Variants in SPRED2 observed in about 807,000 individuals in gnomAD.
SPRED2 encodes sprouty-related, EVH1 domain-containing protein 2.
A neutral mutation model predicts 43.0 loss-of-function variants in SPRED2; 47 were observed. The ratio of observed to expected loss-of-function variants is 1.09; its 90% confidence interval spans 0.87 to 1.40. The LOEUF (loss-of-function observed/expected upper bound fraction) is 1.40, where lower values mean the gene tolerates loss of function less well. SPRED2 is among the 40% of genes most tolerant of loss of function. The pLI is 0.00. For missense variants in SPRED2, 561 were observed against 586.4 expected (o/e 0.96, Z 0.45); for synonymous variants, 225 against 225.7 (o/e 1.00, Z 0.03).
chr2:65,402,122 A>G (rs1021220531), intron 1 of SPRED2, among the ~76,000 whole-genome samples: 1 of 151,520 alleles, frequency 6.6e-6, no homozygotes, highest in Non-Finnish European at 1.5e-5. Context: ...TACTAAAAAT[A>G]CAAAAAATTA....
At chr2:65,386,860 G>A (rs1368616982) in intron 1 of SPRED2, among the ~76,000 whole-genome samples, 1 of 151,908 alleles carries the variant, frequency 6.6e-6, no homozygotes, top group Non-Finnish European at 1.5e-5. Flanking sequence ...AAAACTTAAA[G>A]TATAATTTAA....
intron 1 of SPRED2, among the ~76,000 whole-genome samples, chr2:65,369,692 GAAACAGCAGAAGC>G (rs1675075035): frequency 1.4e-4 from 1 of 7,354 alleles, no homozygotes; most frequent in Non-Finnish European, 2.9e-4. Context: ...TAGAGGTAGG[GAAACAGCAGAAGC>G]TGCTCTGTGC....
intron 1 of SPRED2, among the ~76,000 whole-genome samples, chr2:65,364,590 G>C (rs967524892): frequency 1.3e-5 from 2 of 152,228 alleles, no homozygotes; most frequent in African/African-American, 4.8e-5. Context: ...TATACCCTCT[G>C]TGTACTGTAA....
chr2:65,395,634 A>C (rs1284996777), intron 1 of SPRED2, among the ~76,000 whole-genome samples: 1 of 152,194 alleles, frequency 6.6e-6, no homozygotes, highest in African/African-American at 2.4e-5. Context: ...TAAGGTCTCT[A>C]AATGTGTACT....
rs989715549 is a variant in SPRED2, at chr2:65,432,168, A to C, written c.-181T>G. 1 of 699,736 alleles carries C rather than the reference A, an allele frequency of 1.4e-6. No individual in the cohort carries two copies. The highest frequency in any genetic ancestry group is 2.4e-6 in the Non-Finnish European group (1 of 413,718). 43.3% of individuals were successfully genotyped at this position (699,736 alleles called of 1,614,324 possible). A position where few individuals can be genotyped will look rare whatever the true frequency, so the allele number is the denominator to read the frequency against. ...CAGGGCGCGGGATAGGGTTTGGGGG[A>C]AGGGGTGCAAAGGCAGGCTGCGCGG... On this transcript the variant is annotated 5_prime_UTR_variant, in exon 1 of 6. Coordinates refer to ENST00000356388, the MANE Select transcript of SPRED2 (RefSeq NM_181784.3).
chr2:65,345,539 G>T (rs2104270347), intron 1 of SPRED2, among the ~76,000 whole-genome samples: 1 of 152,282 alleles, frequency 6.6e-6, no homozygotes, highest in Admixed American at 6.5e-5. Flanking sequence ...GGGATTACAG[G>T]CGGGAGCCAC....
In SPRED2 at chr2:65,381,812, T is replaced by A. The variant is rs116618529; in HGVS notation, c.27-36916A>T. On this transcript the variant is annotated intron_variant, in intron 1 of 5. Coordinates refer to ENST00000356388, the MANE Select transcript of SPRED2 (RefSeq NM_181784.3). ...ACAGGTTCTGCCTGGACCTCTGAAG[T>A]CAACATGAGACTCCTCCTTGCAACA... Among the ~76,000 whole-genome samples the A allele has an allele frequency of 2.7e-3, 404 of 152,332 alleles. 2 individuals carry two copies. Among genetic ancestry groups the A allele is most frequent in the African/African-American group, 9.4e-3 (392 of 41,568 alleles).
chr2:65,383,504 A>G (rs1239761150), intron 1 of SPRED2, among the ~76,000 whole-genome samples: 2 of 151,974 alleles, frequency 1.3e-5, no homozygotes, highest in Non-Finnish European at 2.9e-5. Context: ...TGTCCTTAGA[A>G]CTCTGGCCAG....
At chr2:65,414,109 T>TA (rs558543666) in intron 1 of SPRED2, among the ~76,000 whole-genome samples, 2 of 152,200 alleles carry the variant, frequency 1.3e-5, no homozygotes, top group Non-Finnish European at 2.9e-5. Context: ...CATTAAGTCT[T>TA]AAAAAAATTA....
intron 1 of SPRED2, among the ~76,000 whole-genome samples, chr2:65,407,987 G>C (rs1346344646): frequency 6.6e-6 from 1 of 152,238 alleles, no homozygotes; most frequent in Non-Finnish European, 1.5e-5. Flanking sequence ...TCCCTGTGTA[G>C]AGAGGCATTC....
intron 5 of SPRED2, among the ~76,000 whole-genome samples, chr2:65,316,300 A>C (rs369896152): frequency 1.3e-4 from 20 of 152,332 alleles, no homozygotes; most frequent in African/African-American, 4.6e-4. Context: ...AGCATTCCTT[A>C]GTCCTGATTG....
At chr2:65,335,527 T>A (rs1673939277) in intron 2 of SPRED2, among the ~76,000 whole-genome samples, 1 of 152,216 alleles carries the variant, frequency 6.6e-6, no homozygotes, top group Non-Finnish European at 1.5e-5. Context: ...AAGAACATGC[T>A]CTGAAAACAC....
At chr2:65,395,284 T>G (rs1675729200) in intron 1 of SPRED2, among the ~76,000 whole-genome samples, 1 of 152,246 alleles carries the variant, frequency 6.6e-6, no homozygotes, top group Admixed American at 6.5e-5. Flanking sequence ...GATACCTGTC[T>G]TCAGCCCCAG....
At chr2:65,323,883 T>A (rs1673514052) in intron 4 of SPRED2, among the ~76,000 whole-genome samples, 1 of 151,954 alleles carries the variant, frequency 6.6e-6, no homozygotes, top group East Asian at 1.9e-4. Flanking sequence ...CTCAAAAAAA[T>A]CCATCCCTTC....
intron 1 of SPRED2, among the ~76,000 whole-genome samples, chr2:65,420,209 CAAAAAAAA>C (rs61448407): frequency 2.5e-5 from 2 of 79,816 alleles, no homozygotes; most frequent in Non-Finnish European, 4.8e-5. Flanking sequence ...GACTCTGTCT[CAAAAAAAA>C]AAAAAAAAAA....
At chr2:65,333,734 G>A (rs1164023254) in intron 3 of SPRED2, among the ~76,000 whole-genome samples, 2 of 152,106 alleles carry the variant, frequency 1.3e-5, no homozygotes, top group Non-Finnish European at 2.9e-5. Context: ...TCATGTTCTA[G>A]CTAGTCTTGT....
intron 1 of SPRED2, among the ~76,000 whole-genome samples, chr2:65,361,796 C>T (rs1050925434): frequency 2.0e-5 from 3 of 152,136 alleles, no homozygotes; most frequent in African/African-American, 7.2e-5. Flanking sequence ...ACATGCCCAC[C>T]CACAGACACT....
chr2:65,398,768 T>C (rs1332961644), intron 1 of SPRED2, among the ~76,000 whole-genome samples: 2 of 152,184 alleles, frequency 1.3e-5, no homozygotes, highest in African/African-American at 4.8e-5. Flanking sequence ...ACACTGTTGG[T>C]GGGAATGTAA....
At chr2:65,390,513 G>A (rs1194922559) in intron 1 of SPRED2, among the ~76,000 whole-genome samples, 1 of 152,178 alleles carries the variant, frequency 6.6e-6, no homozygotes, top group African/African-American at 2.4e-5. Flanking sequence ...GATGCAGGAG[G>A]TGGTCAATGG....
Sources: allele counts gnomAD v4.1 joint callset (sites outside exome capture counted in the v4.1 genomes callset), GRCh38; gene constraint gnomAD v4.1.1; transcripts MANE v1.5; gene names NCBI Gene and HGNC (gene_info 2026-07-23, HGNC 2026-07-21).